HTT: variants seen among roughly 807,000 people sequenced by gnomAD.
The protein encoded by HTT is huntingtin.
HTT carries 104 observed loss-of-function variants against 362.3 expected under a neutral mutation model. That is an observed-to-expected ratio of 0.29 (90% confidence interval 0.24 to 0.34). The LOEUF (loss-of-function observed/expected upper bound fraction) is 0.34, where lower values mean the gene tolerates loss of function less well. Ranked by LOEUF, HTT falls within the 10% of genes least tolerant of loss-of-function variation. The pLI, the probability that HTT is intolerant of heterozygous loss-of-function variation, is 1.00. For synonymous variants in HTT, 1,577 were observed against 1,548.7 expected, an observed-to-expected ratio of 1.02 and a Z score of -0.43; for missense variants, 3,301 against 3,928.6, an observed-to-expected ratio of 0.84 and a Z score of 4.27.
At chr4:3,131,873 T>G in intron 16 of HTT, 98 bp downstream of exon 16, 1 of 1,170,314 alleles carries the variant, frequency 8.5e-7, no homozygotes, top group Non-Finnish European at 1.2e-6. Context: ...GTAAGTGTTT[T>G]GAGTTCATTT....
chr4:3,074,931 CAG>C lies in HTT; in HGVS notation c.107_108del (p.Gln36ProfsTer46), dbSNP rs776007201. 1.5e-3 allele frequency: 2,181 copies of C among 1,489,522 alleles called. 45 individuals are homozygous for C. In the African/African-American group the frequency reaches 0.027, roughly 18 times the overall value. The allele number at this position is 1,489,522 out of a possible 1,614,324, so 92.3% of individuals were successfully genotyped here. A position where few individuals can be genotyped will look rare whatever the true frequency, so the allele number is the denominator to read the frequency against. ...QQQQQQQQQQ[Q>X]QQPPPPPPPP... ...GCAGCAGCAGCAGCAGCAGCAGCAG[CAG>C]CAACAGCCGCCACCGCCGCCGCCGC... On this transcript the variant is annotated frameshift_variant, in exon 1 of 67. Coordinates refer to ENST00000355072, the MANE Select transcript of HTT (RefSeq NM_001388492.1). LOFTEE classifies it high-confidence loss of function.
chr4:3,150,731 A>G (rs528011999), intron 26 of HTT, among the ~76,000 whole-genome samples: 1 of 152,090 alleles, frequency 6.6e-6, no homozygotes. Flanking sequence ...GGGGTCCCCA[A>G]CCTCTGTTAA....
rs375922907 is a variant in HTT at position 3,233,318 on chromosome 4, C to T, written c.8421C>T (p.Ser2807=). ...DTAKQLIPVI[S]DYLLSNLKGI... ...CCAAGCAGCTCATCCCGGTCATCAG[C>T]GACTATCTCCTCTCCAACCTGAAAG... Residue 2807 remains serine, a synonymous_variant, in exon 61 of 67, where the codon AGC becomes AGT. Coordinates refer to ENST00000355072, the MANE Select transcript of HTT (RefSeq NM_001388492.1). The T allele has an allele frequency of 8.1e-6, 13 of 1,607,584 alleles. No homozygotes were observed. Among genetic ancestry groups the T allele is most frequent in the African/African-American group, 2.7e-5 (2 of 74,864 alleles).
rs1425824216 is a variant in HTT, at chr4:3,107,614, T to C, written c.747+191T>C. Among the ~76,000 whole-genome samples the C allele has an allele frequency of 2.0e-5, 3 of 152,286 alleles. No individual in the cohort carries two copies. In the East Asian group the frequency reaches 5.8e-4, roughly 29 times the overall value. On this transcript the variant is annotated intron_variant, in intron 6 of 66. Transcript: ENST00000355072. ...CTTCTTTCCACTTCTCATTTCTTAC[T>C]GTGGGGTGAAGAGTTGAATTGGGAG... is the stretch of plus-strand genomic sequence containing the variant.
At position 3,243,159 on chromosome 4, in the gene HTT, A is replaced by G. The variant is rs935411366; in HGVS notation, c.*3100A>G. ...AGCTCGGGACGGATAGTAGACAGCA[A>G]TAACTCGGTGTGTGGCCGCCTGGCA... On this transcript the variant is annotated 3_prime_UTR_variant, in exon 67 of 67. Transcript: ENST00000355072. The G allele has an allele frequency of 2.7e-4, 41 of 152,768 alleles. No individual in the cohort carries two copies. The highest frequency in any genetic ancestry group is 9.4e-4 in the African/African-American group (39 of 41,576). The allele number at this position is 152,768 out of a possible 1,614,324, so 9.5% of individuals were successfully genotyped here. A position where few individuals can be genotyped will look rare whatever the true frequency, so the allele number is the denominator to read the frequency against.
chr4:3,129,281 GT>G (rs1715680381), intron 12 of HTT: 1 of 152,294 alleles, frequency 6.6e-6, no homozygotes, highest in Admixed American at 6.5e-5. Flanking sequence ...CAGAAATGGA[GT>G]TGCTTTTACA....
Position 3,074,851 on chromosome 4 carries a change from A to T in HTT, c.26A>T (p.Lys9Met). MATLEKLM[K>M]AFESLKSFQQ... The stretch of plus-strand genomic sequence containing the variant: ...ATGGCGACCCTGGAAAAGCTGATGA[A>T]GGCCTTCGAGTCCCTCAAGTCCTTC... The change falls in exon 1 of 67, where the codon AAG becomes ATG. Residue 9 changes from lysine (K) to methionine (M), a missense_variant. By Grantham distance (95) the Lys-to-Met change is moderately conservative. Around this residue, in one of 4 missense-constraint regions of HTT, gnomAD observed 12 missense variants for 30.3 expected, o/e 0.40. Coordinates refer to ENST00000355072, the MANE Select transcript of HTT (RefSeq NM_001388492.1). 6.6e-7 allele frequency: 1 copy of T among 1,513,368 alleles called. No homozygotes were observed. The highest frequency in any genetic ancestry group is 8.8e-7 in the Non-Finnish European group (1 of 1,135,116). The allele number at this position is 1,513,368 out of a possible 1,614,324, so 93.7% of individuals were successfully genotyped here.
At position 3,228,446 on chromosome 4, in the gene HTT, C is replaced by CG. The variant is rs1721027835; in HGVS notation, c.7849-169_7849-168insG. Among the ~76,000 whole-genome samples the CG allele has an allele frequency of 6.6e-6, 1 of 152,214 alleles. No homozygotes were observed. The highest frequency in any genetic ancestry group is 6.5e-5 in the Admixed American group (1 of 15,286). The stretch of plus-strand genomic sequence containing the variant: ...CCCAGCAGCTGTCCAGCCCCTGCCC[C>CG]ACCCTCTCTGTGGGCTCCCTTGCCC... On this transcript the variant is annotated intron_variant, in intron 57 of 66. Transcript: ENST00000355072. The surrounding 1 kb of genome is among the most constrained non-coding windows in gnomAD (Gnocchi z 4.3).
At chr4:3,094,632 C>A (rs1360175348) in intron 2 of HTT, among the ~76,000 whole-genome samples, 5 of 142,614 alleles carry the variant, frequency 3.5e-5, no homozygotes, top group African/African-American at 1.3e-4. Context: ...GGGGGCTGCC[C>A]CCCACCTCCC....
In HTT at chr4:3,132,671, G is replaced by C; in HGVS notation, c.2346G>C (p.Arg782Ser). The part of the protein sequence containing the change: ...CGTLICSILS[R>S]SRFHVGDWMG... ...CCCTCATCTGCTCCATCCTCAGCAG[G>C]TCCCGCTTCCACGTGGGAGATTGGA... Residue 782 changes from arginine to serine, a missense_variant, in exon 17 of 67, where the codon AGG becomes AGC. Transcript: ENST00000355072. 6.2e-7 allele frequency: 1 copy of C among 1,614,130 alleles called. No homozygotes were observed. Among genetic ancestry groups the C allele is most frequent in the Non-Finnish European group, 8.5e-7 (1 of 1,180,012 alleles).
intron 41 of HTT, among the ~76,000 whole-genome samples, chr4:3,200,959 G>T (rs1334246821): frequency 1.3e-5 from 2 of 152,220 alleles, no homozygotes; most frequent in Non-Finnish European, 2.9e-5. Context: ...TGACAGATGG[G>T]CCTGCTTACT....
intron 49 of HTT, chr4:3,213,102 A>T: frequency 5.0e-6 from 1 of 200,386 alleles, no homozygotes. Context: ...CACGTTCTGG[A>T]TGCATTAAAG....
At chr4:3,238,730 G>GGGCCCCCCCCCCCCCC in intron 65 of HTT, 88 bp from the exon 66 acceptor site, 2 of 1,096,996 alleles carry the variant, frequency 1.8e-6, no homozygotes, top group Non-Finnish European at 2.7e-6. Context: ...AATGCCTCTG[G>GGGCCCCCCCCCCCCCC]CCCCCACCCC....
At chr4:3,123,898 G>T (rs975744662) in intron 10 of HTT, among the ~76,000 whole-genome samples, 1 of 152,162 alleles carries the variant, frequency 6.6e-6, no homozygotes, top group Non-Finnish European at 1.5e-5. Context: ...CATAGGAAAA[G>T]AATTGCTGTC....
chr4:3,145,802 TTG>T (rs1244064515), intron 24 of HTT, among the ~76,000 whole-genome samples: 1 of 152,216 alleles, frequency 6.6e-6, no homozygotes, highest in Non-Finnish European at 1.5e-5. Context: ...TGCAGATTTC[TTG>T]TGTGTGTCAG....
chr4:3,087,643 A>G (rs957479695), intron 2 of HTT, among the ~76,000 whole-genome samples: 1 of 152,234 alleles, frequency 6.6e-6, no homozygotes, highest in Non-Finnish European at 1.5e-5. Flanking sequence ...CCAATGGCTC[A>G]GTAGGAGACA....
At chr4:3,195,402 G>A (rs779739752) in intron 40 of HTT, among the ~76,000 whole-genome samples, 4 of 152,082 alleles carry the variant, frequency 2.6e-5, no homozygotes. Flanking sequence ...GGTGCAGCCT[G>A]CATCCGCCTT....
At chr4:3,163,534 C>T (rs939374499) in intron 29 of HTT, among the ~76,000 whole-genome samples, 10 of 152,104 alleles carry the variant, frequency 6.6e-5, no homozygotes, top group Admixed American at 2.0e-4. Flanking sequence ...TGGTAGAATT[C>T]GGCTGTGAAT....
chr4:3,217,648 G>C (rs903178937), intron 51 of HTT, 117 bp from the exon 52 acceptor site: 2 of 834,106 alleles, frequency 2.4e-6, no homozygotes, highest in Non-Finnish European at 3.8e-6. Flanking sequence ...GGCCAACTCA[G>C]AGTCTAAGTG....
Sources: gnomAD v4.1 joint callset for allele counts (sites outside exome capture counted in the v4.1 genomes callset) on GRCh38, gnomAD v4.1.1 for gene constraint, gnomAD v4.1.1 regional missense constraint, Gnocchi (gnomAD v3.1) non-coding constraint, MANE v1.5 for transcripts, NCBI Gene and HGNC (gene_info 2026-07-23, HGNC 2026-07-21) for gene names.